The following COL19A1 variants were observed in gnomAD, a reference collection of about 807,000 sequenced individuals.
The protein encoded by COL19A1 is collagen type XIX alpha 1 chain.
In COL19A1, 159 loss-of-function variants were observed where a neutral mutation model predicts 190.2. The ratio of observed to expected loss-of-function variants is 0.84; its 90% confidence interval spans 0.73 to 0.95. The LOEUF (loss-of-function observed/expected upper bound fraction) is 0.95, where lower values mean the gene tolerates loss of function less well. Among genes scored for constraint, COL19A1 ranks in the 40% least tolerant of loss-of-function variants. COL19A1 has a pLI of 0.00. For synonymous variants in COL19A1, 509 were observed against 458.9 expected (o/e 1.11, Z -1.39); for missense variants, 1,418 against 1,431.9 (o/e 0.99, Z 0.16).
At chr6:69,866,878 G>C (rs1767477855) in intron 1 of COL19A1, among the ~76,000 whole-genome samples, 1 of 152,156 alleles carries the variant, frequency 6.6e-6, no homozygotes, top group African/African-American at 2.4e-5. Context: ...CTCTCATGTG[G>C]TACATACCAT....
chr6:69,921,248 T>C (rs1771748640), intron 4 of COL19A1, among the ~76,000 whole-genome samples: 1 of 131,150 alleles, frequency 7.6e-6, no homozygotes, highest in African/African-American at 2.8e-5. Context: ...TCCATATATG[T>C]CATATATCAT....
At chr6:70,105,699 G>A (rs1466988780) in intron 16 of COL19A1, among the ~76,000 whole-genome samples, 1 of 152,158 alleles carries the variant, frequency 6.6e-6, no homozygotes, top group East Asian at 1.9e-4. Flanking sequence ...GAGACGGGTT[G>A]GTAGGATCTA....
In COL19A1 at chr6:70,210,095, C is replaced by T. The variant is rs981650735; in HGVS notation, c.*2821C>T. The T allele has an allele frequency of 2.6e-5, 4 of 152,066 alleles. No homozygotes were observed. The highest frequency in any genetic ancestry group is 5.9e-5 in the Non-Finnish European group (4 of 67,984). The allele number at this position is 152,066 out of a possible 1,614,324, so 9.4% of individuals were successfully genotyped here. ...AAGAATTATTCAATTTCATGAATAA[C>T]TCTTGTTTGCACTCCAGAAAACAAC... On this transcript the variant is annotated 3_prime_UTR_variant, in exon 51 of 51. Coordinates refer to ENST00000620364, the MANE Select transcript of COL19A1 (RefSeq NM_001858.6).
At chr6:70,116,258 T>G (rs1448695036) in intron 16 of COL19A1, among the ~76,000 whole-genome samples, 1 of 152,198 alleles carries the variant, frequency 6.6e-6, no homozygotes, top group Non-Finnish European at 1.5e-5. Context: ...GCAAGCCCTT[T>G]GCTCTGTTTG....
At chr6:69,942,357 A>G (rs1424572162) in intron 9 of COL19A1, among the ~76,000 whole-genome samples, 1 of 152,102 alleles carries the variant, frequency 6.6e-6, no homozygotes, top group East Asian at 1.9e-4. Flanking sequence ...TCAAATATTC[A>G]TTATTTCTTT....
intron 18 of COL19A1, among the ~76,000 whole-genome samples, chr6:70,134,565 G>A (rs1164956508): frequency 7.9e-5 from 12 of 152,148 alleles, no homozygotes; most frequent in Non-Finnish European, 1.8e-4. Context: ...TACACAGTTG[G>A]GATGCGGATG....
intron 1 of COL19A1, among the ~76,000 whole-genome samples, chr6:69,872,708 T>C (rs1391626792): frequency 6.6e-6 from 1 of 152,216 alleles, no homozygotes; most frequent in African/African-American, 2.4e-5. Flanking sequence ...CAGCCACTTA[T>C]TATCTTTTTG....
chr6:70,081,321 T>G (rs547256368), intron 15 of COL19A1, among the ~76,000 whole-genome samples: 7 of 152,290 alleles, frequency 4.6e-5, no homozygotes, highest in African/African-American at 1.7e-4. Context: ...ATAATGGGCT[T>G]TCTTAAAAAC....
chr6:69,997,556 C>T lies in COL19A1; in HGVS notation c.1027-26071C>T, dbSNP rs558120456. On this transcript the variant is annotated intron_variant, in intron 11 of 50. Coordinates refer to ENST00000620364, the MANE Select transcript of COL19A1 (RefSeq NM_001858.6). The stretch of plus-strand genomic sequence containing the variant: ...TAGAGAAACAGACATCATAAAGGAA[C>T]CAAATGGAAATTCTAGAGTTTCAGA... Among the ~76,000 whole-genome samples the T allele has an allele frequency of 6.6e-5, 10 of 152,114 alleles. No individual in the cohort carries two copies. In the South Asian group the frequency reaches 1.2e-3, roughly 19 times the overall value.
At chr6:70,133,125 C>T (rs1458395090) in intron 18 of COL19A1, among the ~76,000 whole-genome samples, 2 of 152,136 alleles carry the variant, frequency 1.3e-5, no homozygotes, top group Non-Finnish European at 2.9e-5. Context: ...GTATCTCCCA[C>T]CATAATTTTG....
chr6:70,120,579 A>T (rs1784830508), intron 16 of COL19A1, among the ~76,000 whole-genome samples: 1 of 152,218 alleles, frequency 6.6e-6, no homozygotes, highest in South Asian at 2.1e-4. Context: ...TGCATGAAAA[A>T]TATATAATGC....
At chr6:70,008,666 C>T (rs1777785427) in intron 11 of COL19A1, among the ~76,000 whole-genome samples, 1 of 151,836 alleles carries the variant, frequency 6.6e-6, no homozygotes, top group East Asian at 1.9e-4. Context: ...AAGGAGGGAA[C>T]TCTTCCTACT....
chr6:70,163,683 G>T (rs148874017), intron 36 of COL19A1, among the ~76,000 whole-genome samples: 3 of 152,178 alleles, frequency 2.0e-5, no homozygotes, highest in African/African-American at 7.2e-5. Context: ...AGGATTGGGT[G>T]GGGGAGCCTC....
At chr6:69,967,866 G>T (rs78374261) in intron 11 of COL19A1, among the ~76,000 whole-genome samples, 3 of 151,910 alleles carry the variant, frequency 2.0e-5, no homozygotes, top group African/African-American at 7.3e-5. Context: ...ATAAAATTCC[G>T]TACAAAATAT....
intron 11 of COL19A1, chr6:69,973,873 T>C (rs569396450): frequency 6.6e-6 from 1 of 152,218 alleles, no homozygotes; most frequent in Non-Finnish European, 1.5e-5. Context: ...TCACAATCAA[T>C]GTAAAAGCAA....
At position 70,023,967 on chromosome 6, in the gene COL19A1, ACATATCTTCTGC is replaced by A. The variant is rs1778590154; in HGVS notation, c.1080+291_1080+302del. The stretch of plus-strand genomic sequence containing the variant: ...TTTTTTTTCTGTCTTTTTTCATCTT[ACATATCTTCTGC>A]CATGGCTTGTGCTCTTATCAGTGGT... On this transcript the variant is annotated intron_variant, in intron 12 of 50. Coordinates refer to ENST00000620364, the MANE Select transcript of COL19A1 (RefSeq NM_001858.6). Among the ~76,000 whole-genome samples the A allele has an allele frequency of 2.0e-5, 3 of 151,894 alleles. No homozygotes were observed. In the South Asian group the frequency reaches 6.2e-4, roughly 32 times the overall value.
At chr6:70,182,693 C>G (rs1583109364) in intron 44 of COL19A1, among the ~76,000 whole-genome samples, 1 of 152,156 alleles carries the variant, frequency 6.6e-6, no homozygotes, top group Non-Finnish European at 1.5e-5. Context: ...GAGTGATCAA[C>G]ATACAGGTAA....
intron 11 of COL19A1, among the ~76,000 whole-genome samples, chr6:69,981,795 A>G (rs1025795597): frequency 6.6e-6 from 1 of 152,144 alleles, no homozygotes; most frequent in African/African-American, 2.4e-5. Context: ...TGCATTGCAT[A>G]TGTTCCCTTG....
At position 69,879,533 on chromosome 6, in the gene COL19A1, CA is replaced by C; in HGVS notation, c.-32-2del. 6.4e-7 allele frequency: 1 copy of C among 1,571,690 alleles called. No individual in the cohort carries two copies. Among genetic ancestry groups the C allele is most frequent in the South Asian group, 1.1e-5 (1 of 87,936 alleles). On this transcript the variant is annotated splice_acceptor_variant, in intron 1 of 50. Transcript: ENST00000620364. LOFTEE classifies it low-confidence loss of function (5UTR_SPLICE). The stretch of plus-strand genomic sequence containing the variant: ...TATTCAAATTTTTTTTTTTCTGTTG[CA>C]GATCCGTGGCCGTTCACATGGTTTC...
Sources: allele counts gnomAD v4.1 joint callset (sites outside exome capture counted in the v4.1 genomes callset), GRCh38; gene constraint gnomAD v4.1.1; transcripts MANE v1.5; gene names NCBI Gene and HGNC (gene_info 2026-07-23, HGNC 2026-07-21).